The following ADAMTSL1 variants were observed in gnomAD, a reference collection of about 807,000 sequenced individuals.
ADAMTSL1 encodes ADAMTS like 1, also known as ADAMTS-like protein 1.
A neutral mutation model predicts 201.8 loss-of-function variants in ADAMTSL1; 126 were observed. That is an observed-to-expected ratio of 0.62 (90% CI 0.54 to 0.72). ADAMTSL1 has a LOEUF of 0.72. Among genes scored for constraint, ADAMTSL1 ranks in the 30% least tolerant of loss-of-function variants. The pLI, the probability that ADAMTSL1 is intolerant of heterozygous loss-of-function variation, is 0.00. For missense variants in ADAMTSL1, 2,679 were observed against 2,277.8 expected, an observed-to-expected ratio of 1.18 and a Z score of -3.59; for synonymous variants, 1,121 against 903.4, an observed-to-expected ratio of 1.24 and a Z score of -4.32.
intron 14 of ADAMTSL1, among the ~76,000 whole-genome samples, chr9:18,717,789 G>C (rs890597842): frequency 2.0e-5 from 3 of 152,158 alleles, no homozygotes; most frequent in African/African-American, 7.2e-5. Context: ...AATCTCTCTT[G>C]TGAAGCTTGA....
At chr9:17,930,745 TG>T (rs1449660719) in intron 1 of ADAMTSL1, among the ~76,000 whole-genome samples, 1 of 152,178 alleles carries the variant, frequency 6.6e-6, no homozygotes, top group East Asian at 1.9e-4. Context: ...TTTTCAACAT[TG>T]TAAGGTAAGA....
chr9:18,023,649 T>C (rs1422569566), intron 1 of ADAMTSL1, among the ~76,000 whole-genome samples: 1 of 152,136 alleles, frequency 6.6e-6, no homozygotes, highest in Non-Finnish European at 1.5e-5. Context: ...TATTATAACA[T>C]TTCCCCAGAT....
intron 1 of ADAMTSL1, among the ~76,000 whole-genome samples, chr9:18,117,293 T>A (rs1382252418): frequency 1.3e-5 from 2 of 152,154 alleles, no homozygotes; most frequent in Non-Finnish European, 2.9e-5. Flanking sequence ...AAGGTCGTAG[T>A]CTGTTAAATG....
chr9:18,793,319 AC>A (rs1822171473), intron 19 of ADAMTSL1: 1 of 152,232 alleles, frequency 6.6e-6, no homozygotes, highest in South Asian at 2.1e-4. Flanking sequence ...GATCTCATTC[AC>A]TGCCAGACTG....
intron 1 of ADAMTSL1, among the ~76,000 whole-genome samples, chr9:17,911,449 C>G (rs75756260): frequency 0.039 from 2,664 of 68,648 alleles, 702 homozygotes; most frequent in African/African-American, 0.075. Flanking sequence ...GTTACTAGAT[C>G]AGCGCAAATC....
intron 1 of ADAMTSL1, among the ~76,000 whole-genome samples, chr9:18,124,569 A>T (rs1266082621): frequency 1.3e-5 from 2 of 152,136 alleles, no homozygotes; most frequent in African/African-American, 4.8e-5. Context: ...TTTGATGCAT[A>T]AAAGTTTTGA....
At chr9:18,006,569 A>G (rs780962424) in intron 1 of ADAMTSL1, among the ~76,000 whole-genome samples, 79 of 152,000 alleles carry the variant, frequency 5.2e-4, no homozygotes, top group Admixed American at 9.8e-4. Flanking sequence ...AAAAATGCCA[A>G]TGTAAAACCA....
chr9:18,020,480 T>C (rs1820435704), intron 1 of ADAMTSL1, among the ~76,000 whole-genome samples: 1 of 151,930 alleles, frequency 6.6e-6, no homozygotes, highest in African/African-American at 2.4e-5. Context: ...GCCATGTGAG[T>C]GAGTCTGGAA....
At chr9:18,577,470 A>G (rs1339545546) in intron 4 of ADAMTSL1, among the ~76,000 whole-genome samples, 1 of 152,154 alleles carries the variant, frequency 6.6e-6, no homozygotes, top group African/African-American at 2.4e-5. Flanking sequence ...TGGGTGACAG[A>G]GCAAGACTCC....
intron 2 of ADAMTSL1, among the ~76,000 whole-genome samples, chr9:18,311,525 T>G (rs1834156108): frequency 6.6e-6 from 1 of 152,112 alleles, no homozygotes; most frequent in African/African-American, 2.4e-5. Context: ...CTCCATCACA[T>G]TTATTCAATG....
chr9:18,461,886 C>G (rs150191513), intron 2 of ADAMTSL1, among the ~76,000 whole-genome samples: 1 of 152,142 alleles, frequency 6.6e-6, no homozygotes, highest in Non-Finnish European at 1.5e-5. Flanking sequence ...TCCACTCCCC[C>G]ATTCCCTGAC....
chr9:18,130,950 C>G (rs758115318), intron 1 of ADAMTSL1, among the ~76,000 whole-genome samples: 1 of 152,090 alleles, frequency 6.6e-6, no homozygotes, highest in Non-Finnish European at 1.5e-5. Context: ...TTACTCATTT[C>G]TATTGGAAAC....
chr9:18,133,902 C>T (rs1319447661), intron 1 of ADAMTSL1, among the ~76,000 whole-genome samples: 2 of 152,122 alleles, frequency 1.3e-5, no homozygotes, highest in African/African-American at 4.8e-5. Context: ...TATTACATCT[C>T]ATTAGACCTC....
chr9:18,824,889 G>T (rs566802826), intron 21 of ADAMTSL1, among the ~76,000 whole-genome samples: 29 of 151,916 alleles, frequency 1.9e-4, no homozygotes, highest in African/African-American at 6.8e-4. Flanking sequence ...GTAGAGACAG[G>T]GTTTCACCAT....
At chr9:18,598,742 G>A (rs1288641258) in intron 4 of ADAMTSL1, among the ~76,000 whole-genome samples, 1 of 152,126 alleles carries the variant, frequency 6.6e-6, no homozygotes. Flanking sequence ...GTGATCTCAG[G>A]GTGGCCAAGA....
chr9:18,831,524 A>C (rs1283912617), intron 23 of ADAMTSL1, among the ~76,000 whole-genome samples: 5 of 152,160 alleles, frequency 3.3e-5, no homozygotes, highest in Non-Finnish European at 7.4e-5. Flanking sequence ...TGATAGCTTT[A>C]CTTTCAGTCT....
chr9:18,218,683 A>G (rs933136888), intron 2 of ADAMTSL1, among the ~76,000 whole-genome samples: 15 of 152,208 alleles, frequency 9.9e-5, no homozygotes, highest in African/African-American at 3.4e-4. Context: ...ATTCATATAT[A>G]TAAGAGATAT....
At chr9:18,644,833 T>C (rs939911494) in intron 7 of ADAMTSL1, among the ~76,000 whole-genome samples, 10 of 152,230 alleles carry the variant, frequency 6.6e-5, no homozygotes, top group African/African-American at 2.2e-4. Flanking sequence ...TTGTGAATAG[T>C]GCCACAATAA....
chr9:18,458,521 C>T (rs1433054953), intron 2 of ADAMTSL1, among the ~76,000 whole-genome samples: 1 of 152,176 alleles, frequency 6.6e-6, no homozygotes, highest in Non-Finnish European at 1.5e-5. Context: ...CCCTAACCTT[C>T]CATAGACTTA....
Sources: allele counts gnomAD v4.1 joint callset (sites outside exome capture counted in the v4.1 genomes callset), GRCh38; gene constraint gnomAD v4.1.1; transcripts MANE v1.5; gene names NCBI Gene and HGNC (gene_info 2026-07-23, HGNC 2026-07-21).